Variants in ADCY2 observed in about 807,000 individuals in gnomAD.
ADCY2 encodes the protein adenylate cyclase type 2.
Under a neutral mutation model 125.2 loss-of-function variants are expected in ADCY2, and 31 were observed. The ratio of observed to expected loss-of-function variants is 0.25; its 90% CI spans 0.19 to 0.33. The LOEUF (loss-of-function observed/expected upper bound fraction) is 0.33, where lower values mean the gene tolerates loss of function less well. Ranked by LOEUF, ADCY2 falls within the 10% of genes least tolerant of loss-of-function variation. ADCY2 has a pLI of 1.00. For synonymous variants in ADCY2, 512 were observed against 548.4 expected (o/e 0.93, Z 0.93); for missense variants, 904 against 1,418.2 (o/e 0.64, Z 5.82).
chr5:7,699,825 C>T (rs140306684), intron 7 of ADCY2, among the ~76,000 whole-genome samples: 1 of 152,078 alleles, frequency 6.6e-6, no homozygotes, highest in Non-Finnish European at 1.5e-5. Flanking sequence ...TAGGCTCAAG[C>T]GATCTGCTTG....
At position 7,826,732 on chromosome 5, in the gene ADCY2, C is replaced by T. The variant is rs753213597; in HGVS notation, c.3137C>T (p.Thr1046Met). The T allele has an allele frequency of 1.9e-6, 3 of 1,613,708 alleles. No homozygotes were observed. The highest frequency in any genetic ancestry group is 2.5e-6 in the Non-Finnish European group (3 of 1,179,920). ...VLDKIQVTEE[T>M]SLVLQTLGYT... ...TGTGCCTTCTAGGTTACCGAGGAGA[C>T]GAGCCTCGTCCTGCAGACCCTCGGA... The change falls in exon 25 of 25, where the codon ACG becomes ATG. Residue 1046 changes from threonine to methionine, a missense_variant. Physicochemically the swap from Thr to Met is moderately conservative, Grantham distance 81 (BLOSUM62 -1). This residue lies in a region of ADCY2 where 181 missense variants were observed against 381.6 expected (regional missense o/e 0.47). Transcript: ENST00000338316.
intron 1 of ADCY2, among the ~76,000 whole-genome samples, chr5:7,405,790 T>A (rs982534901): frequency 6.6e-6 from 1 of 152,226 alleles, no homozygotes; most frequent in Non-Finnish European, 1.5e-5. Flanking sequence ...AAAAGCAAAC[T>A]AGAATGCTGA....
intron 4 of ADCY2, among the ~76,000 whole-genome samples, chr5:7,686,375 A>T (rs558110573): frequency 5.8e-4 from 89 of 152,358 alleles, no homozygotes; most frequent in African/African-American, 2.1e-3. Flanking sequence ...TATATCAGAC[A>T]TAATTTAAAA....
chr5:7,772,860 C>T, intron 17 of ADCY2, 72 bp from the exon 18 acceptor site: 1 of 1,469,498 alleles, frequency 6.8e-7, no homozygotes. Flanking sequence ...GCGGTGGTCC[C>T]CTGATTGTAA....
intron 4 of ADCY2, among the ~76,000 whole-genome samples, chr5:7,630,748 G>T (rs553921134): frequency 1.3e-5 from 2 of 151,190 alleles, no homozygotes; most frequent in South Asian, 4.2e-4. Flanking sequence ...AAGTCATGAG[G>T]GTAGAATCTT....
At chr5:7,428,044 G>C (rs1451915393) in intron 2 of ADCY2, among the ~76,000 whole-genome samples, 1 of 152,212 alleles carries the variant, frequency 6.6e-6, no homozygotes, top group Non-Finnish European at 1.5e-5. Flanking sequence ...GCCCTGTGAG[G>C]CTGCACAGGC....
In ADCY2 at chr5:7,414,559, T is replaced by G. The variant is rs753837125; in HGVS notation, c.211-14T>G. ...TAAATGGTAACTTTTCCATGTATTT[T>G]TTTATCTCCTCAGGAAGTTGAAGAC... is the stretch of plus-strand genomic sequence containing the variant. On this transcript the variant is annotated splice_polypyrimidine_tract_variant and intron_variant, in intron 1 of 24. Transcript: ENST00000338316. 4 of 1,591,750 alleles carry G rather than the reference T, an allele frequency of 2.5e-6. No homozygotes were observed. Among genetic ancestry groups the G allele is most frequent in the Non-Finnish European group, 3.4e-6 (4 of 1,170,954 alleles).
intron 4 of ADCY2, among the ~76,000 whole-genome samples, chr5:7,651,446 C>T (rs1369640498): frequency 6.6e-6 from 1 of 152,180 alleles, no homozygotes; most frequent in Non-Finnish European, 1.5e-5. Context: ...AACTGTGCAG[C>T]CTTCAGTCTG....
Position 7,771,675 on chromosome 5 carries a change from A to G in ADCY2, c.2215-1257A>G, listed in dbSNP as rs377010948. On this transcript the variant is annotated intron_variant, in intron 17 of 24. Coordinates refer to ENST00000338316, the MANE Select transcript of ADCY2 (RefSeq NM_020546.3). ...TTTTCTTTCTTCCTTCCACAAGAACAGGACTGTTGAGCTAATATCAGTGGC... is the reference window on the plus strand; with the variant it reads ...TTTTCTTTCTTCCTTCCACAAGAACGGGACTGTTGAGCTAATATCAGTGGC... Among the ~76,000 whole-genome samples the G allele has an allele frequency of 1.1e-4, 16 of 152,286 alleles. No individual in the cohort carries two copies. In the South Asian group the frequency reaches 3.1e-3, roughly 30 times the overall value.
At chr5:7,501,175 T>A (rs1282047116) in intron 2 of ADCY2, among the ~76,000 whole-genome samples, 1 of 151,872 alleles carries the variant, frequency 6.6e-6, no homozygotes, top group East Asian at 1.9e-4. Flanking sequence ...TCATTGGACT[T>A]CCTGCTGAGG....
At chr5:7,422,644 AT>A (rs1740245600) in intron 2 of ADCY2, among the ~76,000 whole-genome samples, 1 of 152,170 alleles carries the variant, frequency 6.6e-6, no homozygotes. Flanking sequence ...TACTGAAGTT[AT>A]TTTACAGATT....
At chr5:7,611,287 TTAAA>T (rs1737565208) in intron 3 of ADCY2, 1 of 152,192 alleles carries the variant, frequency 6.6e-6, no homozygotes, top group Non-Finnish European at 1.5e-5. Flanking sequence ...AGAAAAGTAG[TTAAA>T]TAATGAGAAG....
chr5:7,778,478 G>A (rs989688154), intron 18 of ADCY2, among the ~76,000 whole-genome samples: 2 of 152,198 alleles, frequency 1.3e-5, no homozygotes, highest in Non-Finnish European at 2.9e-5. Context: ...TTTCTGGAAA[G>A]CACATAAATA....
At chr5:7,452,418 T>C (rs868253155) in intron 2 of ADCY2, among the ~76,000 whole-genome samples, 1 of 152,238 alleles carries the variant, frequency 6.6e-6, no homozygotes, top group Non-Finnish European at 1.5e-5. Context: ...TACAAGTTGC[T>C]TCAAAGGCAT....
chr5:7,640,278 A>G (rs916897666), intron 4 of ADCY2, among the ~76,000 whole-genome samples: 8 of 152,192 alleles, frequency 5.3e-5, no homozygotes, highest in African/African-American at 1.7e-4. Flanking sequence ...GTGGGTCAGT[A>G]AAAAAAGGCA....
intron 15 of ADCY2, among the ~76,000 whole-genome samples, chr5:7,755,406 GAA>G (rs373225975): frequency 5.2e-4 from 76 of 145,536 alleles, no homozygotes; most frequent in African/African-American, 1.7e-3. Flanking sequence ...CTGGAAGGAA[GAA>G]AAAAAAAAAC....
intron 20 of ADCY2, among the ~76,000 whole-genome samples, chr5:7,793,438 G>A (rs886706175): frequency 4.6e-5 from 7 of 152,284 alleles, no homozygotes; most frequent in Admixed American, 6.5e-5. Flanking sequence ...GCAACAGTAC[G>A]AGACACCATC....
intron 16 of ADCY2, among the ~76,000 whole-genome samples, chr5:7,761,785 CAGTT>C (rs940281439): frequency 6.6e-6 from 1 of 152,184 alleles, no homozygotes; most frequent in African/African-American, 2.4e-5. Context: ...GATTGACAGA[CAGTT>C]CAGTCACTGT....
intron 4 of ADCY2, among the ~76,000 whole-genome samples, chr5:7,669,617 C>T (rs1739865432): frequency 6.6e-6 from 1 of 152,172 alleles, no homozygotes; most frequent in African/African-American, 2.4e-5. Flanking sequence ...TAGAAAATGT[C>T]AGCGCATTTC....
Sources: allele counts gnomAD v4.1 joint callset (sites outside exome capture counted in the v4.1 genomes callset), GRCh38; gene constraint gnomAD v4.1.1; regional missense constraint gnomAD v4.1.1; transcripts MANE v1.5; gene names NCBI Gene and HGNC (gene_info 2026-07-23, HGNC 2026-07-21).